Variants in SV2C observed in about 807,000 individuals in gnomAD.
SV2C encodes solute carrier family 22 member B3.
A neutral mutation model predicts 79.7 loss-of-function variants in SV2C; 49 were observed. The observed-to-expected ratio is 0.61, with a 90% CI of 0.49 to 0.78. The LOEUF is 0.78. Among genes scored for constraint, SV2C ranks in the 30% least tolerant of loss-of-function variants. The pLI, the probability that SV2C is intolerant of heterozygous loss-of-function variation, is 0.00. For missense variants in SV2C, 833 were observed against 912.9 expected (o/e 0.91, Z 1.13); for synonymous variants, 334 against 333.2 (o/e 1.00, Z -0.03).
intron 8 of SV2C, among the ~76,000 whole-genome samples, chr5:76,293,279 A>G (rs1014613399): frequency 2.6e-5 from 4 of 152,246 alleles, no homozygotes; most frequent in African/African-American, 9.6e-5. Flanking sequence ...GCAAGGGGTT[A>G]AAGACAAAGA....
At chr5:75,950,597 A>G in the SV2C span, among the ~76,000 whole-genome samples, 1 of 152,010 alleles carries the variant, frequency 6.6e-6, no homozygotes, top group Admixed American at 6.6e-5. Flanking sequence ...ACTACTTTTT[A>G]TAGACATATT....
intron 5 of SV2C, 143 bp from the exon 6 acceptor site, chr5:76,285,638 G>C (rs1747329797): frequency 3.0e-6 from 2 of 669,058 alleles, no homozygotes; most frequent in African/African-American, 1.8e-5. Flanking sequence ...TATCCAAATA[G>C]TCTGTATGTT....
At chr5:76,259,306 C>A (rs1250678712) in intron 4 of SV2C, among the ~76,000 whole-genome samples, 1 of 152,178 alleles carries the variant, frequency 6.6e-6, no homozygotes, top group Non-Finnish European at 1.5e-5. Context: ...CCACCAGTGA[C>A]GTATGAGAAT....
intron 2 of SV2C, among the ~76,000 whole-genome samples, chr5:76,139,307 A>G (rs1189143994): frequency 3.3e-5 from 5 of 152,098 alleles, no homozygotes; most frequent in Non-Finnish European, 7.4e-5. Context: ...AAGATGCATT[A>G]GACATCCTTG....
the SV2C span, among the ~76,000 whole-genome samples, chr5:76,016,372 A>C: frequency 6.6e-6 from 1 of 151,686 alleles, no homozygotes; most frequent in East Asian, 2.0e-4. Context: ...CCTGGGTCCC[A>C]GACCAACCTG....
At position 76,327,401 on chromosome 5, in the gene SV2C, G is replaced by C. The variant is rs1580077326; in HGVS notation, c.*1854G>C. ...ACTGAAGGCTAGACAAGATGCATTT[G>C]AAAGATACCAACCGCACAGGGAAAG... On this transcript the variant is annotated 3_prime_UTR_variant, in exon 13 of 13. Transcript: ENST00000502798. 6.6e-6 allele frequency: 1 copy of C among 152,202 alleles called. No individual in the cohort carries two copies. The highest frequency in any genetic ancestry group is 1.9e-4 in the East Asian group (1 of 5,206). The allele number at this position is 152,202 out of a possible 1,614,324, so 9.4% of individuals were successfully genotyped here. A position where few individuals can be genotyped will look rare whatever the true frequency, so the allele number is the denominator to read the frequency against.
intron 2 of SV2C, among the ~76,000 whole-genome samples, chr5:76,186,818 C>T (rs888515990): frequency 2.3e-4 from 35 of 151,946 alleles, no homozygotes; most frequent in Non-Finnish European, 4.3e-4. Flanking sequence ...CTGACCAAAG[C>T]GGGAAGCCCC....
chr5:75,963,304 TG>T, the SV2C span, among the ~76,000 whole-genome samples: 1 of 152,156 alleles, frequency 6.6e-6, no homozygotes, highest in African/African-American at 2.4e-5. Context: ...CCATTTTGCT[TG>T]AGTACACTCA....
At chr5:75,961,817 T>C in the SV2C span, among the ~76,000 whole-genome samples, 48 of 152,200 alleles carry the variant, frequency 3.2e-4, 1 homozygote, top group Admixed American at 1.5e-3. Flanking sequence ...AACTACCATA[T>C]TAAACTGTTG....
intron 3 of SV2C, among the ~76,000 whole-genome samples, chr5:76,209,179 C>A (rs1037624026): frequency 6.6e-6 from 1 of 152,106 alleles, no homozygotes; most frequent in African/African-American, 2.4e-5. Context: ...TAGAGCTAAT[C>A]TTGGAAATGA....
At chr5:76,023,872 A>T in the SV2C span, among the ~76,000 whole-genome samples, 1 of 151,726 alleles carries the variant, frequency 6.6e-6, no homozygotes, top group East Asian at 1.9e-4. Context: ...GGGCCAGACA[A>T]TTCTTTGGGG....
chr5:75,961,421 G>T, the SV2C span, among the ~76,000 whole-genome samples: 1 of 151,906 alleles, frequency 6.6e-6, no homozygotes, highest in East Asian at 1.9e-4. Flanking sequence ...TAAAAGGAAT[G>T]ATCTAAAGGA....
At chr5:76,080,551 G>A (rs1294086670), upstream of SV2C, among the ~76,000 whole-genome samples, 2 of 152,170 alleles carry the variant, frequency 1.3e-5, no homozygotes, top group East Asian at 1.9e-4. Flanking sequence ...TAGGCACTGT[G>A]CTTCTTGTGT....
chr5:76,300,364 T>G (rs542249508), intron 10 of SV2C, among the ~76,000 whole-genome samples: 10 of 152,166 alleles, frequency 6.6e-5, no homozygotes, highest in Non-Finnish European at 1.5e-4. Flanking sequence ...TGGACACTAT[T>G]AGTACTATAA....
At chr5:75,895,602 T>G in the SV2C span, among the ~76,000 whole-genome samples, 4 of 152,090 alleles carry the variant, frequency 2.6e-5, no homozygotes, top group South Asian at 6.2e-4. Context: ...TTGTAACAGA[T>G]GGGAAAAGTG....
At chr5:76,142,716 G>A (rs1749297032) in intron 2 of SV2C, among the ~76,000 whole-genome samples, 2 of 152,126 alleles carry the variant, frequency 1.3e-5, no homozygotes, top group South Asian at 2.1e-4. Flanking sequence ...TTACTAAAGA[G>A]TATATGATAT....
At chr5:76,132,434 T>G in intron 2 of SV2C, 104 bp downstream of exon 2, 1 of 1,181,764 alleles carries the variant, frequency 8.5e-7, no homozygotes, top group South Asian at 2.0e-5. Context: ...TACTGCATTT[T>G]TTCTAACAAA....
At chr5:76,079,164 T>G (rs527283129), upstream of SV2C, 39 of 336,940 alleles carry the variant, frequency 1.2e-4, no homozygotes, top group Admixed American at 6.4e-4. Flanking sequence ...TCATCCTTAG[T>G]AGGGATGTTG....
At chr5:76,053,414 G>C in the SV2C span, among the ~76,000 whole-genome samples, 1 of 150,066 alleles carries the variant, frequency 6.7e-6, no homozygotes. Context: ...TGGTTCTGGA[G>C]TTCCATATCA....
Sources: allele counts gnomAD v4.1 joint callset (sites outside exome capture counted in the v4.1 genomes callset), GRCh38; gene constraint gnomAD v4.1.1; transcripts MANE v1.5; gene names NCBI Gene and HGNC (gene_info 2026-07-23, HGNC 2026-07-21).